Variants in SCHIP1 observed in about 807,000 individuals in gnomAD.
SCHIP1 encodes the protein schwannomin-interacting protein 1.
Under a neutral mutation model 29.7 loss-of-function variants are expected in SCHIP1, and 8 were observed. The ratio of observed to expected loss-of-function variants is 0.27; its 90% CI spans 0.16 to 0.49. The LOEUF is 0.49. Ranked by LOEUF, SCHIP1 falls within the 20% of genes least tolerant of loss-of-function variation. The probability of loss-of-function intolerance (pLI) is 0.99; values close to 1 mark genes in which losing one functional copy is unlikely to be tolerated. For missense variants in SCHIP1, 193 were observed against 294.6 expected (o/e 0.66, Z 2.52); for synonymous variants, 76 against 94.9 (o/e 0.80, Z 1.16).
the SCHIP1 span, among the ~76,000 whole-genome samples, chr3:159,289,745 A>G: frequency 2.6e-5 from 4 of 152,234 alleles, no homozygotes; most frequent in South Asian, 2.1e-4. Flanking sequence ...TACTACATAA[A>G]CATTTCTTGA....
the SCHIP1 span, among the ~76,000 whole-genome samples, chr3:159,467,817 G>C: frequency 6.6e-6 from 1 of 152,038 alleles, no homozygotes; most frequent in Non-Finnish European, 1.5e-5. Context: ...AGTTATTATG[G>C]AATGTTGAAC....
chr3:159,541,229 C>T, the SCHIP1 span, among the ~76,000 whole-genome samples: 1 of 152,076 alleles, frequency 6.6e-6, no homozygotes, highest in Non-Finnish European at 1.5e-5. Context: ...ATGAAATTGA[C>T]AGCAAAGAGT....
the SCHIP1 span, among the ~76,000 whole-genome samples, chr3:159,408,987 G>A: frequency 6.6e-6 from 1 of 152,114 alleles, no homozygotes; most frequent in Non-Finnish European, 1.5e-5. Context: ...TTCAACATAT[G>A]CAAATCAATC....
At chr3:159,522,116 T>C in the SCHIP1 span, among the ~76,000 whole-genome samples, 1 of 152,250 alleles carries the variant, frequency 6.6e-6, no homozygotes, top group Non-Finnish European at 1.5e-5. Flanking sequence ...CAGTTAGTTA[T>C]GCAAGACCAA....
the SCHIP1 span, among the ~76,000 whole-genome samples, chr3:159,313,626 G>A: frequency 2.6e-5 from 4 of 152,128 alleles, no homozygotes; most frequent in African/African-American, 9.7e-5. Flanking sequence ...AACATCTAAT[G>A]TAGCCAGGTA....
At chr3:159,764,302 C>G in the SCHIP1 span, 6 of 1,020,038 alleles carry the variant, frequency 5.9e-6, no homozygotes, top group Non-Finnish European at 8.2e-6. This position sits in a 1 kb window ranked among gnomAD's most constrained non-coding sequence, Gnocchi z 6.1. Context: ...TGCTGGCTCC[C>G]GCCCCCAGGC....
At chr3:159,579,686 C>T in the SCHIP1 span, among the ~76,000 whole-genome samples, 2 of 152,102 alleles carry the variant, frequency 1.3e-5, no homozygotes, top group East Asian at 1.9e-4. Flanking sequence ...TTGGAAAAAG[C>T]GGACTTTGAC....
the SCHIP1 span, among the ~76,000 whole-genome samples, chr3:159,470,688 G>T: frequency 0.14 from 21,757 of 151,956 alleles, 1,618 homozygotes; most frequent in Middle Eastern, 0.16. Flanking sequence ...CTGTCTGTCT[G>T]TCTACACAGA....
At chr3:159,297,155 T>G in the SCHIP1 span, among the ~76,000 whole-genome samples, 1 of 148,686 alleles carries the variant, frequency 6.7e-6, no homozygotes, top group Non-Finnish European at 1.5e-5. Flanking sequence ...TGTGTGTGTG[T>G]GTGTGTGTGT....
the SCHIP1 span, among the ~76,000 whole-genome samples, chr3:159,304,131 C>T: frequency 6.6e-5 from 10 of 151,304 alleles, no homozygotes; most frequent in Admixed American, 6.6e-5. Context: ...TTTGTTCTTG[C>T]GATAGTTTAC....
chr3:159,469,563 G>T, the SCHIP1 span, among the ~76,000 whole-genome samples: 3 of 152,232 alleles, frequency 2.0e-5, no homozygotes, highest in Non-Finnish European at 4.4e-5. Context: ...CTTTCTTGGG[G>T]ACAGAAATGT....
chr3:159,630,214 T>A, the SCHIP1 span, among the ~76,000 whole-genome samples: 1 of 152,150 alleles, frequency 6.6e-6, no homozygotes, highest in South Asian at 2.1e-4. Flanking sequence ...GGGCTCAATC[T>A]GATGAAAGAA....
the SCHIP1 span, among the ~76,000 whole-genome samples, chr3:159,522,938 C>T: frequency 6.6e-6 from 1 of 152,116 alleles, no homozygotes; most frequent in East Asian, 1.9e-4. Context: ...TTAATACCCA[C>T]TTTAGTTTTT....
chr3:159,657,515 A>G, the SCHIP1 span, among the ~76,000 whole-genome samples: 1 of 152,244 alleles, frequency 6.6e-6, no homozygotes, highest in African/African-American at 2.4e-5. Context: ...CAATAAATCC[A>G]TGTCAAGTGG....
At chr3:159,344,444 A>G in the SCHIP1 span, among the ~76,000 whole-genome samples, 1 of 152,218 alleles carries the variant, frequency 6.6e-6, no homozygotes, top group Non-Finnish European at 1.5e-5. Context: ...ATCAAAGTTA[A>G]TATAAACAGC....
chr3:159,683,222 T>C, the SCHIP1 span, among the ~76,000 whole-genome samples: 2 of 152,154 alleles, frequency 1.3e-5, no homozygotes, highest in Non-Finnish European at 2.9e-5. Flanking sequence ...GACTCATTTT[T>C]ATATTTTTTA....
the SCHIP1 span, among the ~76,000 whole-genome samples, chr3:159,614,822 A>G: frequency 1.3e-5 from 2 of 152,222 alleles, no homozygotes; most frequent in Admixed American, 1.3e-4. Context: ...CGTTTATTTA[A>G]TGGATATTTA....
chr3:159,687,539 T>A, the SCHIP1 span, among the ~76,000 whole-genome samples: 1 of 152,048 alleles, frequency 6.6e-6, no homozygotes, highest in East Asian at 1.9e-4. Flanking sequence ...CACAAAAAAA[T>A]TTCTCTTATT....
At chr3:159,493,385 C>G in the SCHIP1 span, among the ~76,000 whole-genome samples, 2 of 151,878 alleles carry the variant, frequency 1.3e-5, no homozygotes, top group South Asian at 2.1e-4. Context: ...CACATAGGCT[C>G]AAAATAAAGG....
Sources: gnomAD v4.1 joint callset for allele counts (sites outside exome capture counted in the v4.1 genomes callset) on GRCh38, gnomAD v4.1.1 for gene constraint, Gnocchi (gnomAD v3.1) non-coding constraint, MANE v1.5 for transcripts, NCBI Gene and HGNC (gene_info 2026-07-23, HGNC 2026-07-21) for gene names.